Variants in GPR158 observed in about 807,000 individuals in gnomAD.
GPR158 encodes metabotropic glycine receptor.
GPR158 carries 30 observed loss-of-function variants against 78.2 expected under a neutral mutation model. The observed-to-expected ratio is 0.38, with a 90% confidence interval of 0.29 to 0.52. The LOEUF (loss-of-function observed/expected upper bound fraction) is 0.52, where lower values mean the gene tolerates loss of function less well. Among genes scored for constraint, GPR158 ranks in the 20% least tolerant of loss-of-function variants. GPR158 has a pLI of 0.83. For synonymous variants in GPR158, 581 were observed against 591.1 expected, an observed-to-expected ratio of 0.98 and a Z score of 0.25; for missense variants, 1,463 against 1,523.5, an observed-to-expected ratio of 0.96 and a Z score of 0.66.
At chr10:25,544,290 A>AT (rs71848369) in intron 5 of GPR158, among the ~76,000 whole-genome samples, 4,527 of 150,246 alleles carry the variant, frequency 0.03, 229 homozygotes, top group African/African-American at 0.1. Context: ...ATAGTGTTTT[A>AT]TTTTTTTTTT....
At chr10:25,279,707 G>A (rs1048707501) in intron 2 of GPR158, among the ~76,000 whole-genome samples, 1 of 152,140 alleles carries the variant, frequency 6.6e-6, no homozygotes, top group African/African-American at 2.4e-5. Flanking sequence ...GGAGAGATAA[G>A]GCTCACTAGC....
chr10:25,519,413 A>G (rs1266735378), intron 5 of GPR158, among the ~76,000 whole-genome samples: 1 of 128,934 alleles, frequency 7.8e-6, no homozygotes, highest in Non-Finnish European at 1.6e-5. Flanking sequence ...TGATCCTGTC[A>G]TTATGATGTT....
chr10:25,247,528 AT>A lies in GPR158; in HGVS notation c.1008+26373del, dbSNP rs1457225360. On this transcript the variant is annotated intron_variant, in intron 2 of 10. Coordinates refer to ENST00000376351, the MANE Select transcript of GPR158 (RefSeq NM_020752.3). Reference sequence around the variant, plus strand: ...CCCCTTCCTGTGTCCATGTGATCTCATTGTTCAATTCCCACCTATGAGTGAG... The same window carrying A: ...CCCCTTCCTGTGTCCATGTGATCTCATGTTCAATTCCCACCTATGAGTGAG... 3.9e-4 allele frequency among the ~76,000 whole-genome samples: 42 copies of A among 107,002 alleles called. 1 individual carries two copies. Among genetic ancestry groups the A allele is most frequent in the African/African-American group, 1.5e-3 (39 of 25,794 alleles). 70.2% of individuals were successfully genotyped at this position (107,002 alleles called of 152,430 possible).
chr10:25,213,284 G>A (rs932980595), intron 1 of GPR158, among the ~76,000 whole-genome samples: 2 of 152,160 alleles, frequency 1.3e-5, no homozygotes, highest in African/African-American at 4.8e-5. Context: ...AGTAATGTTG[G>A]TAGAGGCAAG....
chr10:25,431,572 T>C (rs6482479), intron 4 of GPR158, among the ~76,000 whole-genome samples: 68,145 of 106,402 alleles, frequency 0.64, 23,421 homozygotes, highest in Non-Finnish European at 0.77. Flanking sequence ...ATGTTTATTG[T>C]GGCACTATTC....
chr10:25,242,611 T>C (rs995229370), intron 2 of GPR158, among the ~76,000 whole-genome samples: 4 of 152,242 alleles, frequency 2.6e-5, no homozygotes, highest in Admixed American at 1.3e-4. Context: ...TTCTCTCTCT[T>C]CAGATAATGC....
intron 4 of GPR158, among the ~76,000 whole-genome samples, chr10:25,465,754 T>C (rs1370596581): frequency 6.6e-6 from 1 of 152,220 alleles, no homozygotes; most frequent in Non-Finnish European, 1.5e-5. Context: ...CCACCAACAC[T>C]ATCCCACAGG....
intron 7 of GPR158, among the ~76,000 whole-genome samples, chr10:25,582,852 T>G (rs570025528): frequency 6.6e-6 from 1 of 152,316 alleles, no homozygotes; most frequent in African/African-American, 2.4e-5. Context: ...AAAAATTACT[T>G]CTGAGGAGAG....
At chr10:25,438,866 C>T (rs1283483038) in intron 4 of GPR158, among the ~76,000 whole-genome samples, 1 of 152,058 alleles carries the variant, frequency 6.6e-6, no homozygotes, top group East Asian at 1.9e-4. Context: ...CTATGGCTTG[C>T]TGCCATTTAG....
rs534651752 is a variant in GPR158, at chr10:25,280,189, A to C, written c.1008+59032A>C. ...TAAAAGACAGAGGTTGACAGATTGC[A>C]TTAAAAATACAAGATCCAGCTATAT... On this transcript the variant is annotated intron_variant, in intron 2 of 10. Coordinates refer to ENST00000376351, the MANE Select transcript of GPR158 (RefSeq NM_020752.3). 6.6e-5 allele frequency among the ~76,000 whole-genome samples: 10 copies of C among 152,328 alleles called. No individual in the cohort carries two copies. In the South Asian group the frequency reaches 1.4e-3, roughly 22 times the overall value.
At chr10:25,439,080 C>T (rs928105021) in intron 4 of GPR158, among the ~76,000 whole-genome samples, 1 of 152,150 alleles carries the variant, frequency 6.6e-6, no homozygotes, top group Admixed American at 6.5e-5. Flanking sequence ...AATATTTGCT[C>T]TCTGGCACAT....
At chr10:25,413,957 A>G (rs1449746150) in intron 4 of GPR158, among the ~76,000 whole-genome samples, 4 of 152,214 alleles carry the variant, frequency 2.6e-5, no homozygotes, top group African/African-American at 9.6e-5. Flanking sequence ...TGAGAAATAT[A>G]TAACCACTGT....
chr10:25,556,476 T>C (rs1836788145), intron 6 of GPR158, among the ~76,000 whole-genome samples: 1 of 152,228 alleles, frequency 6.6e-6, no homozygotes, highest in Admixed American at 6.5e-5. Context: ...CTGGTAATGA[T>C]ATGGATTTCA....
At chr10:25,514,300 T>G (rs1439831827) in intron 5 of GPR158, among the ~76,000 whole-genome samples, 2 of 152,184 alleles carry the variant, frequency 1.3e-5, no homozygotes, top group African/African-American at 4.8e-5. Context: ...AAAGTTTGTT[T>G]TGTCAGAAAT....
intron 4 of GPR158, among the ~76,000 whole-genome samples, chr10:25,460,719 T>G (rs1244152013): frequency 6.6e-6 from 1 of 152,214 alleles, no homozygotes; most frequent in Non-Finnish European, 1.5e-5. Context: ...AGTATGTATA[T>G]GTACACAGAC....
chr10:25,544,953 C>T (rs996572272), intron 5 of GPR158, among the ~76,000 whole-genome samples: 5 of 152,154 alleles, frequency 3.3e-5, no homozygotes, highest in East Asian at 3.9e-4. Flanking sequence ...TGAGAACATG[C>T]AGTGTTTGGT....
At chr10:25,214,329 A>G (rs1193161337) in intron 1 of GPR158, among the ~76,000 whole-genome samples, 3 of 152,168 alleles carry the variant, frequency 2.0e-5, no homozygotes, top group Non-Finnish European at 4.4e-5. Context: ...TTTTAAAAAA[A>G]CTAGTTTTCT....
At chr10:25,413,649 T>G (rs1244575152) in intron 4 of GPR158, among the ~76,000 whole-genome samples, 2 of 151,962 alleles carry the variant, frequency 1.3e-5, no homozygotes, top group African/African-American at 4.8e-5. Flanking sequence ...CATTAGAAAT[T>G]AAAAAAAATA....
chr10:25,189,038 C>A lies in GPR158; in HGVS notation c.902+12716C>A, dbSNP rs370206840. Reference sequence around the variant, plus strand: ...GCCAACAGACACATGAAAAAATGTTCATCATCACTGGCCACCAGAGAAATG... The same window carrying A: ...GCCAACAGACACATGAAAAAATGTTAATCATCACTGGCCACCAGAGAAATG... On this transcript the variant is annotated intron_variant, in intron 1 of 10. Coordinates refer to ENST00000376351, the MANE Select transcript of GPR158 (RefSeq NM_020752.3). 3.5e-4 allele frequency among the ~76,000 whole-genome samples: 54 copies of A among 152,304 alleles called. No homozygotes were observed. In the East Asian group the frequency reaches 0.01, roughly 28 times the overall value.
Sources: gnomAD v4.1 joint callset for allele counts (sites outside exome capture counted in the v4.1 genomes callset) on GRCh38, gnomAD v4.1.1 for gene constraint, MANE v1.5 for transcripts, NCBI Gene and HGNC (gene_info 2026-07-23, HGNC 2026-07-21) for gene names.